KRABD4: variants seen among roughly 807,000 people sequenced by gnomAD.
The protein encoded by KRABD4 is KRAB domain-containing protein 4.
At chrX:46,451,065 A>G in the KRABD4 span, among the ~76,000 whole-genome samples, 3,246 of 111,889 alleles carry the variant, frequency 0.029, 111 homozygotes, top group African/African-American at 0.099. Flanking sequence ...GATTGTTTAC[A>G]TACATAGATT....
the KRABD4 span, chrX:46,471,242 TTGTAA>T: frequency 9.3e-7 from 1 of 1,077,378 alleles, no homozygotes; most frequent in African/African-American, 1.8e-5. Context: ...TTTTATCATT[TTGTAA>T]TGTCCCTCTT....
chrX:46,458,837 A>C, the KRABD4 span, among the ~76,000 whole-genome samples: 1 of 111,643 alleles, frequency 9.0e-6, no homozygotes, highest in Admixed American at 9.6e-5. Context: ...ACCAGGTGGC[A>C]TTGCTTATGA....
chrX:46,455,375 C>G, the KRABD4 span: 1 of 476,923 alleles, frequency 2.1e-6, no homozygotes, highest in Non-Finnish European at 3.8e-6. Flanking sequence ...TCATCCTCCT[C>G]AGGGAGTGGA....
the KRABD4 span, chrX:46,455,304 A>G: frequency 1.5e-6 from 1 of 684,222 alleles, no homozygotes; most frequent in Non-Finnish European, 2.3e-6. Context: ...AGTAATAAAA[A>G]TCATCCTTTC....
the KRABD4 span, among the ~76,000 whole-genome samples, chrX:46,449,695 C>A: frequency 8.9e-6 from 1 of 112,480 alleles, no homozygotes; most frequent in African/African-American, 3.2e-5. Context: ...GTTCAGTATA[C>A]CTGCTTTTGC....
the KRABD4 span, among the ~76,000 whole-genome samples, chrX:46,453,210 G>A: frequency 9.0e-6 from 1 of 111,730 alleles, no homozygotes; most frequent in African/African-American, 3.3e-5. Context: ...TAGAGTTCTT[G>A]TATTGCTTAA....
the KRABD4 span, among the ~76,000 whole-genome samples, chrX:46,470,137 G>A: frequency 1.8e-5 from 2 of 110,956 alleles, no homozygotes; most frequent in Admixed American, 1.9e-4. Flanking sequence ...TAAACATTCT[G>A]TATTGAGATA....
chrX:46,471,962 C>T, the KRABD4 span: 1 of 111,797 alleles, frequency 8.9e-6, no homozygotes, highest in Non-Finnish European at 1.9e-5. Context: ...AAGTTTTCAA[C>T]TCATTGTGGT....
chrX:46,462,584 G>T, the KRABD4 span: 1 of 889,538 alleles, frequency 1.1e-6, no homozygotes, highest in Non-Finnish European at 1.6e-6. Context: ...CCTCATTCCT[G>T]GCTGTGTGAC....
chrX:46,463,128 C>A, the KRABD4 span: 1 of 1,095,448 alleles, frequency 9.1e-7, no homozygotes, highest in Non-Finnish European at 1.3e-6. Context: ...CTTCAGCCTG[C>A]AGGGGTGGGC....
chrX:46,454,020 C>T, the KRABD4 span: 1 of 113,405 alleles, frequency 8.8e-6, no homozygotes, highest in Non-Finnish European at 1.9e-5. Flanking sequence ...TAGGTGTACA[C>T]TCATATTCCC....
chrX:46,463,313 G>T, the KRABD4 span: 1 of 1,205,803 alleles, frequency 8.3e-7, no homozygotes, highest in Admixed American at 2.2e-5. Context: ...GGCCAGGTGA[G>T]TCAGGCCGGG....
the KRABD4 span, among the ~76,000 whole-genome samples, chrX:46,459,924 A>G: frequency 1.8e-5 from 2 of 111,715 alleles, no homozygotes; most frequent in South Asian, 7.6e-4. Context: ...TTCTGACACC[A>G]TCTACCTGGA....
chrX:46,462,632 T>C, the KRABD4 span: 1 of 1,175,186 alleles, frequency 8.5e-7, no homozygotes, highest in South Asian at 1.9e-5. Context: ...CCTCACGCTC[T>C]TCATCTGTCA....
chrX:46,450,400 C>T, the KRABD4 span: 24 of 1,010,307 alleles, frequency 2.4e-5, no homozygotes, highest in Middle Eastern at 2.5e-4. Flanking sequence ...CTGTACCTAC[C>T]GAATGTACTC....
chrX:46,451,205 T>C, the KRABD4 span, among the ~76,000 whole-genome samples: 17 of 112,338 alleles, frequency 1.5e-4, no homozygotes, highest in Non-Finnish European at 7.5e-5. Flanking sequence ...AAGATTCTAT[T>C]CCTTCTCCCC....
At chrX:46,448,705 A>C in the KRABD4 span, 1 of 113,145 alleles carries the variant, frequency 8.8e-6, no homozygotes, top group Admixed American at 9.3e-5. Flanking sequence ...GCCCTGCTGT[A>C]GTGCCTGTAA....
chrX:46,463,247 A>G, the KRABD4 span: 3 of 1,212,033 alleles, frequency 2.5e-6, no homozygotes, highest in Non-Finnish European at 3.4e-6. Context: ...GACCAGGTGA[A>G]GAGTCCTGGA....
the KRABD4 span, chrX:46,472,407 C>T: frequency 3.0e-5 from 6 of 196,754 alleles, no homozygotes; most frequent in East Asian, 4.8e-4. Context: ...TCACCTCACA[C>T]TCATGATTAG....
Sources: allele counts gnomAD v4.1 joint callset (sites outside exome capture counted in the v4.1 genomes callset), GRCh38; gene constraint gnomAD v4.1.1; transcripts MANE v1.5; gene names NCBI Gene and HGNC (gene_info 2026-07-23, HGNC 2026-07-21).